SYT1: variants seen among roughly 807,000 people sequenced by gnomAD.
The protein encoded by SYT1 is synaptotagmin-1.
In SYT1, 8 loss-of-function variants were observed where a neutral mutation model predicts 44.8. That is an observed-to-expected ratio of 0.18 (90% CI 0.10 to 0.32). SYT1 has a LOEUF of 0.32. SYT1 is among the 10% of genes least tolerant of loss of function. The pLI is 1.00. For missense variants in SYT1, 286 were observed against 509.3 expected (o/e 0.56, Z 4.22); for synonymous variants, 154 against 188.8 (o/e 0.82, Z 1.51).
At chr12:78,874,439 T>C (rs1469457726) in intron 1 of SYT1, among the ~76,000 whole-genome samples, 4 of 151,484 alleles carry the variant, frequency 2.6e-5, no homozygotes, top group African/African-American at 7.3e-5. Context: ...AGGATAAAAG[T>C]ATGAAACTTA....
chr12:79,032,290 A>T (rs1872876546), intron 2 of SYT1, among the ~76,000 whole-genome samples: 1 of 151,254 alleles, frequency 6.6e-6, no homozygotes, highest in East Asian at 1.9e-4. Context: ...GGGAGCTTCT[A>T]TTGCCCTAAA....
intron 1 of SYT1, among the ~76,000 whole-genome samples, chr12:78,889,876 G>C (rs1359382050): frequency 6.6e-6 from 1 of 151,842 alleles, no homozygotes; most frequent in Non-Finnish European, 1.5e-5. Context: ...AATTAATAAA[G>C]ACACTGGTCC....
intron 8 of SYT1, among the ~76,000 whole-genome samples, chr12:79,330,783 C>T (rs1421767298): frequency 2.6e-5 from 4 of 152,138 alleles, no homozygotes; most frequent in African/African-American, 9.7e-5. Context: ...GTACTATTAT[C>T]ATTTGGATTT....
At chr12:78,986,492 A>C (rs1009619509) in intron 2 of SYT1, among the ~76,000 whole-genome samples, 1 of 151,880 alleles carries the variant, frequency 6.6e-6, no homozygotes, top group African/African-American at 2.4e-5. Flanking sequence ...CCTTTTATTT[A>C]CACTTCAGAA....
chr12:78,912,098 A>T (rs944584345), intron 1 of SYT1, among the ~76,000 whole-genome samples: 5 of 151,806 alleles, frequency 3.3e-5, no homozygotes, highest in Admixed American at 2.0e-4. Flanking sequence ...TAGAATTGGG[A>T]TATATAAGAA....
At chr12:79,149,968 C>G (rs911244188) in intron 3 of SYT1, among the ~76,000 whole-genome samples, 1 of 152,102 alleles carries the variant, frequency 6.6e-6, no homozygotes, top group Admixed American at 6.5e-5. Flanking sequence ...AATGAAAGGT[C>G]TGAAACGGTG....
chr12:78,871,417 G>A (rs1873814176), intron 1 of SYT1, among the ~76,000 whole-genome samples: 1 of 151,992 alleles, frequency 6.6e-6, no homozygotes, highest in Non-Finnish European at 1.5e-5. Flanking sequence ...AGCTAACTGA[G>A]TATCTTTTTC....
intron 2 of SYT1, among the ~76,000 whole-genome samples, chr12:79,037,394 T>C (rs1476519217): frequency 6.6e-6 from 1 of 151,784 alleles, no homozygotes; most frequent in South Asian, 2.1e-4. Flanking sequence ...TTAAACATGA[T>C]TGAACCCAGT....
intron 2 of SYT1, among the ~76,000 whole-genome samples, chr12:79,024,764 C>A (rs1297988771): frequency 6.6e-6 from 1 of 151,746 alleles, no homozygotes; most frequent in Non-Finnish European, 1.5e-5. Flanking sequence ...GTATATCTGA[C>A]ATACTATATT....
intron 3 of SYT1, among the ~76,000 whole-genome samples, chr12:79,102,198 T>C (rs1205804184): frequency 6.6e-6 from 1 of 152,132 alleles, no homozygotes; most frequent in Non-Finnish European, 1.5e-5. Context: ...CTTTATAATA[T>C]TGATTTCTGT....
At chr12:79,227,827 A>G (rs991286182) in intron 4 of SYT1, among the ~76,000 whole-genome samples, 1 of 152,154 alleles carries the variant, frequency 6.6e-6, no homozygotes, top group African/African-American at 2.4e-5. Flanking sequence ...TATAAATGGT[A>G]GCTATTATTA....
chr12:79,177,049 GT>G (rs57668122), intron 3 of SYT1, among the ~76,000 whole-genome samples: 2 of 145,724 alleles, frequency 1.4e-5, no homozygotes, highest in East Asian at 4.0e-4. Context: ...TTTTTTTTAT[GT>G]TTTTTTTTAT....
intron 2 of SYT1, among the ~76,000 whole-genome samples, chr12:79,004,547 TGGCTTAG>T (rs1870953602): frequency 6.6e-6 from 1 of 152,016 alleles, no homozygotes; most frequent in South Asian, 2.1e-4. Flanking sequence ...TTTGTTTTGT[TGGCTTAG>T]GGCTAAAGAT....
At chr12:78,937,052 T>C (rs1276440866) in intron 1 of SYT1, among the ~76,000 whole-genome samples, 1 of 152,112 alleles carries the variant, frequency 6.6e-6, no homozygotes, top group African/African-American at 2.4e-5. Context: ...TTTTTAAAGA[T>C]TTACATTTCA....
intron 2 of SYT1, among the ~76,000 whole-genome samples, chr12:78,991,856 T>G (rs1870043023): frequency 6.6e-6 from 1 of 152,200 alleles, no homozygotes; most frequent in African/African-American, 2.4e-5. Context: ...TATGCCAAGT[T>G]TATTTGGCTT....
intron 9 of SYT1, among the ~76,000 whole-genome samples, chr12:79,410,506 C>T (rs1250944660): frequency 1.6e-4 from 12 of 75,920 alleles, no homozygotes; most frequent in South Asian, 5.1e-4. Context: ...TGTTCAAAGT[C>T]AAAAAAAAAA....
chr12:78,865,118 GC>G lies in SYT1; in HGVS notation c.-217+10del, dbSNP rs1873463466. The G allele has an allele frequency of 6.6e-6, 1 of 152,262 alleles. No homozygotes were observed. The highest frequency in any genetic ancestry group is 2.4e-5 in the African/African-American group (1 of 41,450). 9.4% of individuals were successfully genotyped at this position (152,262 alleles called of 1,614,324 possible). A position where few individuals can be genotyped will look rare whatever the true frequency, so the allele number is the denominator to read the frequency against. On this transcript the variant is annotated intron_variant, in intron 1 of 10. Coordinates refer to ENST00000261205, the MANE Select transcript of SYT1 (RefSeq NM_005639.3). ...CCCGGTCCGCCCTCCAGGTAAGGAA[GC>G]GGGACTGGCGGCGCGGCCACCTCGG...
chr12:79,021,872 AAAATT>A (rs1872216653), intron 2 of SYT1, among the ~76,000 whole-genome samples: 1 of 151,848 alleles, frequency 6.6e-6, no homozygotes. Context: ...TTGCCAAAAT[AAAATT>A]ATTTTTTATA....
intron 1 of SYT1, among the ~76,000 whole-genome samples, chr12:78,875,486 TA>T (rs1299112163): frequency 6.6e-6 from 1 of 151,654 alleles, no homozygotes; most frequent in Non-Finnish European, 1.5e-5. Context: ...GCCAGCCCTG[TA>T]ACTATCAGGG....
Sources: allele counts gnomAD v4.1 joint callset (sites outside exome capture counted in the v4.1 genomes callset), GRCh38; gene constraint gnomAD v4.1.1; transcripts MANE v1.5; gene names NCBI Gene and HGNC (gene_info 2026-07-23, HGNC 2026-07-21).